The following TMEM255A variants were observed in gnomAD, a reference collection of about 807,000 sequenced individuals.
TMEM255A encodes the protein family with sequence similarity 70, member A.
TMEM255A carries 14 observed loss-of-function variants against 23.5 expected under a neutral mutation model. The observed-to-expected ratio is 0.60, with a 90% confidence interval of 0.39 to 0.93. TMEM255A has a LOEUF of 0.93. Ranked by LOEUF, TMEM255A falls within the 40% of genes least tolerant of loss-of-function variation. The pLI, the probability that TMEM255A is intolerant of heterozygous loss-of-function variation, is 0.00. For synonymous variants in TMEM255A, 104 were observed against 100.3 expected (o/e 1.04, Z -0.22); for missense variants, 233 against 261.7 (o/e 0.89, Z 0.76).
At position 120,311,277 on chromosome X, in the gene TMEM255A, G is replaced by A; in HGVS notation, c.33C>T (p.Ser11=). The change falls in exon 1 of 9, where the codon AGC becomes AGT. Residue 11 remains serine (S), a synonymous_variant. Coordinates refer to ENST00000371369, the MANE Select transcript of TMEM255A (RefSeq NM_001104544.3). MHQSLTQQRS[S]DMSLPDSMGA... ...CCATGGAATCGGGCAGGGACATGTC[G>A]CTGGACCGCTGCTGAGTCAGGGACT... 8.4e-7 allele frequency: 1 copy of A among 1,184,756 alleles called. No homozygotes were observed. The highest frequency in any genetic ancestry group is 1.1e-6 in the Non-Finnish European group (1 of 881,378).
At chrX:120,277,138 C>G (rs782651907) in intron 6 of TMEM255A, 91 bp from the exon 7 acceptor site, 1 of 790,105 alleles carries the variant, frequency 1.3e-6, no homozygotes, top group South Asian at 2.9e-5. Context: ...GGCTACCATA[C>G]AGCTCAGTGA....
chrX:120,268,991 G>A (rs1235428117), intron 7 of TMEM255A, among the ~76,000 whole-genome samples: 6 of 111,439 alleles, frequency 5.4e-5, no homozygotes, highest in African/African-American at 2.0e-4. Flanking sequence ...AGGATTCTTA[G>A]AGATCCCAAC....
intron 2 of TMEM255A, among the ~76,000 whole-genome samples, chrX:120,300,554 A>ATT (rs368966488): frequency 0.21 from 15,851 of 74,069 alleles, 2,144 homozygotes; most frequent in African/African-American, 0.34. Context: ...GGCCAGGCTA[A>ATT]TTTTTTTTTT....
intron 1 of TMEM255A, among the ~76,000 whole-genome samples, chrX:120,305,954 G>A (rs1297883320): frequency 8.9e-6 from 1 of 111,832 alleles, no homozygotes; most frequent in Admixed American, 9.5e-5. Context: ...CTTCGAAAAT[G>A]AGGGATGTGA....
downstream of TMEM255A, chrX:120,255,029 A>G: frequency 8.3e-7 from 1 of 1,212,080 alleles, no homozygotes; most frequent in South Asian, 1.8e-5. Context: ...AATATCGCAC[A>G]AAGCATGAAA....
chrX:120,252,051 G>A, the TMEM255A span, among the ~76,000 whole-genome samples: 20 of 112,319 alleles, frequency 1.8e-4, no homozygotes, highest in African/African-American at 6.5e-4. Flanking sequence ...TGGTAACCTG[G>A]AATTCCTTGG....
At chrX:120,280,274 A>G (rs923030510) in intron 6 of TMEM255A, among the ~76,000 whole-genome samples, 48 of 110,534 alleles carry the variant, frequency 4.3e-4, no homozygotes, top group African/African-American at 1.5e-3. Context: ...GATTACAGCC[A>G]TGAGCCACTG....
At chrX:120,265,122 C>T (rs1041890085) in intron 8 of TMEM255A, among the ~76,000 whole-genome samples, 6 of 111,624 alleles carry the variant, frequency 5.4e-5, no homozygotes, top group Admixed American at 9.5e-5. Flanking sequence ...GGTGATCGCC[C>T]GCCTTGGCCT....
At chrX:120,275,588 G>A (rs782097638) in intron 7 of TMEM255A, among the ~76,000 whole-genome samples, 5 of 110,239 alleles carry the variant, frequency 4.5e-5, no homozygotes, top group Non-Finnish European at 9.5e-5. Flanking sequence ...TCAAAGGAAA[G>A]TCCCTCTTAG....
chrX:120,305,860 C>T (rs1011688516), intron 1 of TMEM255A, among the ~76,000 whole-genome samples: 1 of 111,501 alleles, frequency 9.0e-6, no homozygotes, highest in Non-Finnish European at 1.9e-5. Context: ...CTTAACCCCA[C>T]CATCCATCCT....
chrX:120,251,534 TAAA>T, the TMEM255A span, among the ~76,000 whole-genome samples: 4 of 111,343 alleles, frequency 3.6e-5, no homozygotes, highest in Non-Finnish European at 5.7e-5. Flanking sequence ...GAATTGGGGT[TAAA>T]AACCTCGGTT....
chrX:120,299,883 G>A (rs1489574915), intron 2 of TMEM255A, among the ~76,000 whole-genome samples: 1 of 111,595 alleles, frequency 9.0e-6, no homozygotes, highest in East Asian at 2.8e-4. Context: ...GAAGGTTTCT[G>A]GGATCTTGAT....
Position 120,264,879 on chromosome X carries a change from C to CTTT in TMEM255A, c.819+3362_819+3364dup, listed in dbSNP as rs3030544. Among the ~76,000 whole-genome samples, 756 of 93,647 alleles carry CTTT rather than the reference C, an allele frequency of 8.1e-3. 8 individuals are homozygous for CTTT. Among genetic ancestry groups the CTTT allele is most frequent in the African/African-American group, 0.028 (693 of 24,937 alleles). 81.3% of individuals were successfully genotyped at this position (93,647 alleles called of 115,157 possible). ...GACGTTTCCTGCCCTCTTGACTTTC[C>CTTT]TTTTTTTTTTTTTTTTATACAGCGC... On this transcript the variant is annotated intron_variant, in intron 8 of 8. Transcript: ENST00000371369.
downstream of TMEM255A, chrX:120,258,442 T>C (rs912678336): frequency 8.2e-6 from 1 of 121,960 alleles, no homozygotes; most frequent in Admixed American, 9.4e-5. Context: ...AGAAATTATA[T>C]GGGTTTTTAT....
downstream of TMEM255A, chrX:120,253,978 C>CTGATGA (rs59686094): frequency 1.6e-4 from 192 of 1,171,988 alleles, no homozygotes; most frequent in Middle Eastern, 4.7e-4. Context: ...GTTACCGATT[C>CTGATGA]TGATGATGAT....
chrX:120,270,654 T>G (rs1556018569), intron 7 of TMEM255A, among the ~76,000 whole-genome samples: 1 of 111,829 alleles, frequency 8.9e-6, no homozygotes. Flanking sequence ...AAGATCTTTT[T>G]CACCAAGCAC....
chrX:120,300,695 G>T (rs2058028532), intron 2 of TMEM255A, among the ~76,000 whole-genome samples: 1 of 106,124 alleles, frequency 9.4e-6, no homozygotes, highest in Non-Finnish European at 1.9e-5. Context: ...GCACCTGGCC[G>T]TTTTTAGTTT....
At chrX:120,299,535 G>A (rs376599505) in intron 2 of TMEM255A, among the ~76,000 whole-genome samples, 1 of 111,009 alleles carries the variant, frequency 9.0e-6, no homozygotes, top group African/African-American at 3.3e-5. Flanking sequence ...GACTGGTCTC[G>A]AATGCCTGGC....
At chrX:120,310,087 GC>G (rs1455238750) in intron 1 of TMEM255A, 1 of 111,031 alleles carries the variant, frequency 9.0e-6, no homozygotes, top group African/African-American at 3.3e-5. Context: ...AGATGTTCCC[GC>G]AAATTCATCG....
Sources: gnomAD v4.1 joint callset for allele counts (sites outside exome capture counted in the v4.1 genomes callset) on GRCh38, gnomAD v4.1.1 for gene constraint, MANE v1.5 for transcripts, NCBI Gene and HGNC (gene_info 2026-07-23, HGNC 2026-07-21) for gene names.